The following AP1S3 variants were observed in gnomAD, a reference collection of about 807,000 sequenced individuals.
AP1S3 encodes the protein adaptor related protein complex 1 subunit sigma 3, also known as AP-1 complex subunit sigma-3.
Under a neutral mutation model 20.9 loss-of-function variants are expected in AP1S3, and 10 were observed. The ratio of observed to expected loss-of-function variants is 0.48; its 90% CI spans 0.29 to 0.81. AP1S3 has a LOEUF of 0.81. AP1S3 is among the 30% of genes least tolerant of loss of function. The pLI, the probability that AP1S3 is intolerant of heterozygous loss-of-function variation, is 0.08. For synonymous variants in AP1S3, 41 were observed against 61.5 expected (o/e 0.67, Z 1.56); for missense variants, 154 against 183.8 (o/e 0.84, Z 0.94).
At chr2:223,814,512 C>G (rs951344884) in intron 1 of AP1S3, among the ~76,000 whole-genome samples, 2 of 152,188 alleles carry the variant, frequency 1.3e-5, no homozygotes, top group Non-Finnish European at 2.9e-5. Context: ...ACATTTAGAC[C>G]ATTCCTGGCC....
chr2:223,827,507 G>A (rs1043786416), intron 1 of AP1S3, among the ~76,000 whole-genome samples: 4 of 151,554 alleles, frequency 2.6e-5, no homozygotes, highest in Admixed American at 6.6e-5. Context: ...CTCAACCTCC[G>A]AAGTAACTGG....
chr2:223,770,578 T>C (rs938142727), intron 3 of AP1S3, among the ~76,000 whole-genome samples: 1 of 151,604 alleles, frequency 6.6e-6, no homozygotes, highest in African/African-American at 2.4e-5. Flanking sequence ...GAAATGTATA[T>C]GCAAGTTCCA....
At chr2:223,797,769 A>AAAAT (rs1210186317) in intron 1 of AP1S3, among the ~76,000 whole-genome samples, 2 of 152,160 alleles carry the variant, frequency 1.3e-5, no homozygotes, top group African/African-American at 4.8e-5. Context: ...CCGTCTCAAA[A>AAAAT]AAATAAATAA....
chr2:223,823,416 A>T (rs1692039831), intron 1 of AP1S3, among the ~76,000 whole-genome samples: 2 of 152,246 alleles, frequency 1.3e-5, no homozygotes, highest in Admixed American at 6.5e-5. Context: ...TTTAGAAAGC[A>T]GAAAACCCTG....
chr2:223,776,599 C>A (rs959477671), intron 2 of AP1S3, among the ~76,000 whole-genome samples: 1 of 152,196 alleles, frequency 6.6e-6, no homozygotes, highest in Non-Finnish European at 1.5e-5. Context: ...ATAACTCCTT[C>A]CGGGAGTTGC....
chr2:223,782,929 T>C (rs1450367599), intron 1 of AP1S3, among the ~76,000 whole-genome samples: 2 of 152,184 alleles, frequency 1.3e-5, no homozygotes, highest in Non-Finnish European at 2.9e-5. Context: ...CCTCCAGCAA[T>C]TAATTTTATA....
chr2:223,832,800 C>G (rs1022457633), intron 1 of AP1S3, among the ~76,000 whole-genome samples: 4 of 124,820 alleles, frequency 3.2e-5, no homozygotes, highest in Non-Finnish European at 6.7e-5. Context: ...AATTTTTTTT[C>G]TTTTTTCTTT....
intron 1 of AP1S3, among the ~76,000 whole-genome samples, chr2:223,828,090 A>AAAAAAAAAAAC: frequency 6.9e-6 from 1 of 145,034 alleles, no homozygotes; most frequent in African/African-American, 2.7e-5. Flanking sequence ...AAAAAAAAAA[A>AAAAAAAAAAAC]AAAGAAGAAG....
intron 4 of AP1S3, among the ~76,000 whole-genome samples, chr2:223,761,150 CTT>C (rs1448606111): frequency 6.6e-6 from 1 of 152,186 alleles, no homozygotes; most frequent in African/African-American, 2.4e-5. Context: ...TTGGGGCAGA[CTT>C]TTAGAGCTGG....
chr2:223,777,352 G>A (rs1025038907), intron 2 of AP1S3, among the ~76,000 whole-genome samples: 16 of 152,080 alleles, frequency 1.1e-4, no homozygotes, highest in Non-Finnish European at 8.8e-5. Flanking sequence ...CCAAGATCAC[G>A]CCACTGCACT....
rs1489254893 is a variant in AP1S3 at position 223,765,420 on chromosome 2, G to A, written c.292-70C>T. On this transcript the variant is annotated intron_variant, in intron 3 of 4. Coordinates refer to ENST00000396654, the MANE Select transcript of AP1S3 (RefSeq NM_001039569.2). ...CAGGGGAAACATCTGCCCGAATCTC[G>A]AGCTTTTTCAGTTTGCACTCATGTG... 6.6e-6 allele frequency: 10 copies of A among 1,510,480 alleles called. No individual in the cohort carries two copies. The African/African-American group carries it at 8.4e-5, about 13-fold the overall frequency. The allele number at this position is 1,510,480 out of a possible 1,614,324, so 93.6% of individuals were successfully genotyped here. A position where few individuals can be genotyped will look rare whatever the true frequency, so the allele number is the denominator to read the frequency against.
intron 1 of AP1S3, among the ~76,000 whole-genome samples, chr2:223,807,155 T>C (rs994133084): frequency 7.2e-5 from 11 of 152,124 alleles, no homozygotes; most frequent in African/African-American, 2.7e-4. Flanking sequence ...TAGTCCCAGC[T>C]ACTCAGGAGG....
chr2:223,799,855 T>G (rs1691425562), intron 1 of AP1S3, among the ~76,000 whole-genome samples: 1 of 151,926 alleles, frequency 6.6e-6, no homozygotes, highest in Non-Finnish European at 1.5e-5. Flanking sequence ...ATAAATAGAA[T>G]TACACACTAC....
At position 223,756,810 on chromosome 2, in the gene AP1S3, C is replaced by G; in HGVS notation, c.*1905G>C. The stretch of plus-strand genomic sequence containing the variant: ...TTTTTCCATCGAGTTCTCTAAAAAT[C>G]TACCAGATGGGATCTCCTAAAGAAT... On this transcript the variant is annotated 3_prime_UTR_variant, in exon 5 of 5. Coordinates refer to ENST00000396654, the MANE Select transcript of AP1S3 (RefSeq NM_001039569.2). 2 of 985,324 alleles carry G rather than the reference C, an allele frequency of 2.0e-6. No homozygotes were observed. Among genetic ancestry groups the G allele is most frequent in the Non-Finnish European group, 2.4e-6 (2 of 829,914 alleles). 61.0% of individuals were successfully genotyped at this position (985,324 alleles called of 1,614,324 possible). A position where few individuals can be genotyped will look rare whatever the true frequency, so the allele number is the denominator to read the frequency against.
rs1690276427 is a variant in AP1S3, at chr2:223,758,440, C to T, written c.*275G>A. 19 of 1,142,740 alleles carry T rather than the reference C, an allele frequency of 1.7e-5. No homozygotes were observed. Among genetic ancestry groups the T allele is most frequent in the Non-Finnish European group, 2.0e-5 (19 of 932,600 alleles). 70.8% of individuals were successfully genotyped at this position (1,142,740 alleles called of 1,614,324 possible). On this transcript the variant is annotated 3_prime_UTR_variant, in exon 5 of 5. Transcript: ENST00000396654. ...AACATAACATGGAGTTAATACATTACAAATATTGTCTGTTGGGTTAGGTGG... is the reference window on the plus strand; with the variant it reads ...AACATAACATGGAGTTAATACATTATAAATATTGTCTGTTGGGTTAGGTGG...
intron 1 of AP1S3, among the ~76,000 whole-genome samples, chr2:223,820,169 T>C (rs540197398): frequency 0.014 from 987 of 71,242 alleles, 9 homozygotes; most frequent in African/African-American, 0.043. Context: ...TTTTAAAAGG[T>C]TTTTTTTCTC....
chr2:223,756,976 C>A lies in AP1S3; in HGVS notation c.*1739G>T, dbSNP rs1202511196. ...AGGCAGCAAGACAGAATACTACAAG[C>A]TTTTACTTTTTCTTTTTTTTTTTTT... is the stretch of plus-strand genomic sequence containing the variant. On this transcript the variant is annotated 3_prime_UTR_variant, in exon 5 of 5. Coordinates refer to ENST00000396654, the MANE Select transcript of AP1S3 (RefSeq NM_001039569.2). 8.1e-6 allele frequency: 8 copies of A among 983,728 alleles called. No individual in the cohort carries two copies. The South Asian group carries it at 3.3e-4, about 41-fold the overall frequency. The allele number at this position is 983,728 out of a possible 1,614,324, so 60.9% of individuals were successfully genotyped here.
intron 1 of AP1S3, among the ~76,000 whole-genome samples, chr2:223,779,203 GATTT>G (rs1690863158): frequency 6.6e-6 from 1 of 152,174 alleles, no homozygotes; most frequent in South Asian, 2.1e-4. Context: ...AATTTTAAAA[GATTT>G]AAATAAGCAG....
chr2:223,758,792 C>A, intron 4 of AP1S3, 42 bp from the exon 5 acceptor site: 1 of 1,550,614 alleles, frequency 6.4e-7, no homozygotes, highest in South Asian at 1.2e-5. Flanking sequence ...CCCTTTAAGT[C>A]ACAGCCTTCC....
Sources: allele counts gnomAD v4.1 joint callset (sites outside exome capture counted in the v4.1 genomes callset), GRCh38; gene constraint gnomAD v4.1.1; transcripts MANE v1.5; gene names NCBI Gene and HGNC (gene_info 2026-07-23, HGNC 2026-07-21).